The following PPP2R3B variants were observed in gnomAD, a reference collection of about 807,000 sequenced individuals.
PPP2R3B encodes serine/threonine-protein phosphatase 2A regulatory subunit B'' subunit beta.
A neutral mutation model predicts 72.9 loss-of-function variants in PPP2R3B; 68 were observed. That is an observed-to-expected ratio of 0.93 (90% CI 0.77 to 1.14). The LOEUF is 1.14. Ranked by LOEUF, PPP2R3B falls within the 50% of genes most tolerant of loss-of-function variation. The probability of loss-of-function intolerance (pLI) is 0.00; values close to 1 mark genes in which losing one functional copy is unlikely to be tolerated. For missense variants in PPP2R3B, 1,018 were observed against 842.0 expected (o/e 1.21, Z -2.59); for synonymous variants, 466 against 375.8 (o/e 1.24, Z -2.78).
intron 1 of PPP2R3B, among the ~76,000 whole-genome samples, chrX:373,095 G>T (rs1235058828): frequency 6.6e-6 from 1 of 152,126 alleles, no homozygotes; most frequent in Non-Finnish European, 1.5e-5. Flanking sequence ...CCCACCCGAC[G>T]CCTTTACGAA....
intron 1 of PPP2R3B, among the ~76,000 whole-genome samples, chrX:384,268 C>G (rs1008413731): frequency 2.0e-5 from 3 of 147,630 alleles, no homozygotes; most frequent in African/African-American, 7.6e-5. Flanking sequence ...AAGACTCTCT[C>G]TCTCTCTCTC....
At chrX:363,689 G>GCGATCCCACAGTGCATCTCCCCGAGCCCA (rs1569404352) in intron 1 of PPP2R3B, among the ~76,000 whole-genome samples, 3 of 24,280 alleles carry the variant, frequency 1.2e-4, no homozygotes, top group Admixed American at 5.6e-4. Flanking sequence ...CCCCAAGCCC[G>GCGATCCCACAGTGCATCTCCCCGAGCCCA]CGATCCCACA....
intron 1 of PPP2R3B, among the ~76,000 whole-genome samples, chrX:371,686 C>T (rs982878432): frequency 1.3e-5 from 2 of 152,130 alleles, no homozygotes; most frequent in Non-Finnish European, 2.9e-5. Flanking sequence ...CCAACACGTC[C>T]AGTGGCTCCA....
chrX:364,107 A>T (rs960830469), intron 1 of PPP2R3B, among the ~76,000 whole-genome samples: 1 of 152,224 alleles, frequency 6.6e-6, no homozygotes, highest in African/African-American at 2.4e-5. Context: ...GGCTCACCCG[A>T]AATCTCTCAC....
chrX:347,389 C>G, intron 3 of PPP2R3B, 53 bp from the exon 4 acceptor site: 1 of 1,539,878 alleles, frequency 6.5e-7, no homozygotes, highest in East Asian at 2.2e-5. Context: ...GGCTTTCGAC[C>G]CCGCAGACGC....
At chrX:370,106 G>A (rs926521358) in intron 1 of PPP2R3B, among the ~76,000 whole-genome samples, 24 of 152,190 alleles carry the variant, frequency 1.6e-4, no homozygotes, top group Non-Finnish European at 3.1e-4. Context: ...CAAACCGCAC[G>A]CTGGACGGCT....
In PPP2R3B at chrX:349,243, C is replaced by T. The variant is rs149647337; in HGVS notation, c.511-1550G>A. Among the ~76,000 whole-genome samples, 1,194 of 152,232 alleles carry T rather than the reference C, an allele frequency of 7.8e-3. 18 individuals carry two copies. Among genetic ancestry groups the T allele is most frequent in the African/African-American group, 0.026 (1,092 of 41,544 alleles). On this transcript the variant is annotated intron_variant, in intron 2 of 12. Transcript: ENST00000390665. ...CCAGAGAGCTCCCTCACCCCTTCCA[C>T]CCCGTGAGGACGCAGCGGGAAGGCG...
At chrX:385,004 A>AAAAG (rs1215008528) in intron 1 of PPP2R3B, among the ~76,000 whole-genome samples, 1 of 151,206 alleles carries the variant, frequency 6.6e-6, no homozygotes, top group African/African-American at 2.4e-5. Context: ...AAAAAAAAAA[A>AAAAG]AACTGATTGC....
At chrX:347,095 A>C (rs1393186511) in intron 4 of PPP2R3B, 139 bp downstream of exon 4, 1 of 1,040,442 alleles carries the variant, frequency 9.6e-7, no homozygotes, top group African/African-American at 1.7e-5. Context: ...CCCTCCCATG[A>C]GGTGTGCGGT....
chrX:367,815 T>C (rs141311760), intron 1 of PPP2R3B, among the ~76,000 whole-genome samples: 2 of 152,186 alleles, frequency 1.3e-5, no homozygotes, highest in East Asian at 3.9e-4. Flanking sequence ...AGACAGGAGA[T>C]ATATGTGACT....
At chrX:360,237 A>G (rs986150080) in intron 2 of PPP2R3B, among the ~76,000 whole-genome samples, 1 of 152,194 alleles carries the variant, frequency 6.6e-6, no homozygotes, top group Non-Finnish European at 1.5e-5. Context: ...TTAATAAGTT[A>G]AAAAAACAAA....
intron 1 of PPP2R3B, among the ~76,000 whole-genome samples, chrX:382,855 G>A (rs1185185848): frequency 6.6e-6 from 1 of 152,108 alleles, no homozygotes; most frequent in Admixed American, 6.6e-5. Flanking sequence ...CATTCAACAC[G>A]TTTAAGGACA....
At chrX:361,193 C>T (rs1252103413) in intron 2 of PPP2R3B, among the ~76,000 whole-genome samples, 1 of 152,256 alleles carries the variant, frequency 6.6e-6, no homozygotes, top group Non-Finnish European at 1.5e-5. Flanking sequence ...CTTAAGAATT[C>T]ACACAGCAGC....
At position 334,484 on chromosome X, in the gene PPP2R3B, C is replaced by T. The variant is rs760147046; in HGVS notation, c.1611G>A (p.Lys537=). The T allele has an allele frequency of 3.2e-6, 5 of 1,585,356 alleles. No individual in the cohort carries two copies. In the Admixed American group the frequency reaches 5.4e-5, roughly 17 times the overall value. Residue 537 remains lysine (K), a synonymous_variant, in exon 13 of 13, where the codon AAG becomes AAA. Transcript: ENST00000390665. ...CCAGCGGGGAGCGCAGCGCACTCAG[C>T]TTCTGCTCCACAGGGCTGAGCTCGG... ...FEAELSPVEQ[K]LSALRSPLAQ... is the part of the protein sequence containing the mutation.
At chrX:380,116 A>G (rs1174847844) in intron 1 of PPP2R3B, among the ~76,000 whole-genome samples, 1 of 152,122 alleles carries the variant, frequency 6.6e-6, no homozygotes, top group Non-Finnish European at 1.5e-5. Context: ...CAAACCTAAA[A>G]CCACACTGCT....
chrX:345,219 A>C, intron 7 of PPP2R3B: 2 of 634,578 alleles, frequency 3.2e-6, no homozygotes, highest in Non-Finnish European at 5.8e-6. Context: ...TTAACAAGGA[A>C]GCCCCACAGC....
At chrX:368,893 G>A (rs1283940501) in intron 1 of PPP2R3B, among the ~76,000 whole-genome samples, 3 of 145,518 alleles carry the variant, frequency 2.1e-5, no homozygotes, top group South Asian at 2.2e-4. Flanking sequence ...GGGCACCGAC[G>A]GGGGGAAAGC....
chrX:369,485 CCA>C (rs1247973153), intron 1 of PPP2R3B, among the ~76,000 whole-genome samples: 16 of 152,288 alleles, frequency 1.1e-4, no homozygotes, highest in Admixed American at 8.5e-4. Context: ...CAGAGTACAC[CCA>C]CAGTTTTGCA....
At position 376,462 on chromosome X, in the gene PPP2R3B, A is replaced by ATG. The variant is rs1569416416; in HGVS notation, c.324+9905_324+9906insCA. On this transcript the variant is annotated intron_variant, in intron 1 of 12. Coordinates refer to ENST00000390665, the MANE Select transcript of PPP2R3B (RefSeq NM_013239.5). ...CCCATGGGGCCATCCACTACCGTGT[A>ATG]CAGGGACGGGCCGTCCACAGTGGGG... is the stretch of plus-strand genomic sequence containing the variant. Among the ~76,000 whole-genome samples, 62 of 151,828 alleles carry ATG rather than the reference A, an allele frequency of 4.1e-4. 5 individuals are homozygous for ATG. Among genetic ancestry groups the ATG allele is most frequent in the Middle Eastern group, 3.4e-3 (1 of 292 alleles).
Sources: allele counts gnomAD v4.1 joint callset (sites outside exome capture counted in the v4.1 genomes callset), GRCh38; gene constraint gnomAD v4.1.1; transcripts MANE v1.5; gene names NCBI Gene and HGNC (gene_info 2026-07-23, HGNC 2026-07-21).